HYOU1: variants seen among roughly 807,000 people sequenced by gnomAD.
The protein encoded by HYOU1 is hypoxia up-regulated protein 1.
Under a neutral mutation model 120.5 loss-of-function variants are expected in HYOU1, and 40 were observed. The ratio of observed to expected loss-of-function variants is 0.33; its 90% CI spans 0.26 to 0.43. The LOEUF (loss-of-function observed/expected upper bound fraction) is 0.43. HYOU1 is among the 20% of genes least tolerant of loss of function. The probability of loss-of-function intolerance (pLI) is 1.00; values close to 1 mark genes in which losing one functional copy is unlikely to be tolerated. For missense variants in HYOU1, 1,085 were observed against 1,278.3 expected, an observed-to-expected ratio of 0.85 and a Z score of 2.31; for synonymous variants, 501 against 479.4, an observed-to-expected ratio of 1.05 and a Z score of -0.59.
Position 119,045,194 on chromosome 11 carries a change from G to A in HYOU1, c.*399C>T, listed in dbSNP as rs1943992930. On this transcript the variant is annotated 3_prime_UTR_variant, in exon 26 of 26. Transcript: ENST00000617285. Reference sequence around the variant, plus strand: ...CATCGCATGGTGGGAGAGGAAGGGAGGGAAGGAACAATCACCAGAGAAGAG... The same window carrying A: ...CATCGCATGGTGGGAGAGGAAGGGAAGGAAGGAACAATCACCAGAGAAGAG... The A allele has an allele frequency of 2.2e-6, 1 of 462,416 alleles. No homozygotes were observed. The highest frequency in any genetic ancestry group is 4.3e-6 in the Non-Finnish European group (1 of 229,978). The allele number at this position is 462,416 out of a possible 1,614,324, so 28.6% of individuals were successfully genotyped here. A position where few individuals can be genotyped will look rare whatever the true frequency, so the allele number is the denominator to read the frequency against.
At chr11:119,056,747 G>A (rs946726136) in intron 1 of HYOU1, 1 of 229,052 alleles carries the variant, frequency 4.4e-6, no homozygotes, top group Non-Finnish European at 8.9e-6. Flanking sequence ...CAGTGCCAGG[G>A]GCGGTAAGGT....
rs2133588046 is a variant in HYOU1 at position 119,051,809 on chromosome 11, G to T, written c.1338+10C>A. On this transcript the variant is annotated intron_variant, in intron 12 of 25. Coordinates refer to ENST00000617285, the MANE Select transcript of HYOU1 (RefSeq NM_006389.5). The surrounding 1 kb of genome is among the most constrained non-coding windows in gnomAD (Gnocchi z 4.2). The stretch of plus-strand genomic sequence containing the variant: ...GGGAGCTTGTCACCTGCTCAGTCAG[G>T]CTCACTCACCAGGATGGGGTAGACC... The T allele has an allele frequency of 3.1e-6, 5 of 1,613,844 alleles. No homozygotes were observed. Among genetic ancestry groups the T allele is most frequent in the African/African-American group, 2.7e-5 (2 of 74,886 alleles).
rs1944379626 is a variant in HYOU1 at position 119,050,719 on chromosome 11, C to CAAAAAAAAAA, written c.1665+315_1665+316insTTTTTTTTTT. The stretch of plus-strand genomic sequence containing the variant: ...TTAAGTAACAGAGCCAAGACCCTCT[C>CAAAAAAAAAA]CAAAAAAAAAAAAAAAAAAAAAAAA... On this transcript the variant is annotated intron_variant, in intron 14 of 25. Transcript: ENST00000617285. 1.3e-4 allele frequency among the ~76,000 whole-genome samples: 7 copies of CAAAAAAAAAA among 52,868 alleles called. 3 individuals are homozygous for CAAAAAAAAAA. The highest frequency in any genetic ancestry group is 2.4e-4 in the Admixed American group (1 of 4,170). The allele number at this position is 52,868 out of a possible 152,430, so 34.7% of individuals were successfully genotyped here.
chr11:119,046,587 CT>C lies in HYOU1; in HGVS notation c.2810del (p.Gln937ArgfsTer24), dbSNP rs2133551211. 2 of 1,613,898 alleles carry C rather than the reference CT, an allele frequency of 1.2e-6. No individual in the cohort carries two copies. The highest frequency in any genetic ancestry group is 1.7e-6 in the Non-Finnish European group (2 of 1,179,798). ...EPPLNASASDQGEKVIPPAGQ... is the reference protein window; with the variant it reads ...EPPLNASASDXGEKVIPPAGQ... ...CTGCTGGAGGGATGACCTTCTCCCCCTGGTCACTGGCACTGGCATTGAGGGG... is the reference window on the plus strand; with the variant it reads ...CTGCTGGAGGGATGACCTTCTCCCCCGGTCACTGGCACTGGCATTGAGGGG... On this transcript the variant is annotated frameshift_variant, in exon 23 of 26. Transcript: ENST00000617285. LOFTEE classifies it high-confidence loss of function.
At chr11:119,046,839 T>G (rs2133553822) in intron 22 of HYOU1, 37 bp from the exon 23 acceptor site, 1 of 1,592,798 alleles carries the variant, frequency 6.3e-7, no homozygotes, top group Non-Finnish European at 8.5e-7. Context: ...AAGCTAGCCA[T>G]GGAGAGAGCA....
rs181046821 is a variant in HYOU1, at chr11:119,045,496, G to C, written c.*97C>G. The C allele has an allele frequency of 6.6e-6, 7 of 1,059,340 alleles. No homozygotes were observed. The East Asian group carries it at 1.2e-4, about 18-fold the overall frequency. 65.6% of individuals were successfully genotyped at this position (1,059,340 alleles called of 1,614,324 possible). On this transcript the variant is annotated 3_prime_UTR_variant, in exon 26 of 26. Coordinates refer to ENST00000617285, the MANE Select transcript of HYOU1 (RefSeq NM_006389.5). Reference sequence around the variant, plus strand: ...CAGGGGTGAGAAAGGAACTCCAGCCGAGGGCAGGACCAACCCCTCCCCCAA... The same window carrying C: ...CAGGGGTGAGAAAGGAACTCCAGCCCAGGGCAGGACCAACCCCTCCCCCAA...
chr11:119,055,297 G>T lies in HYOU1; in HGVS notation c.307C>A (p.Leu103Ile). ...GGGTTATCTGCCTGCTTCCCCAGGA[G>T]GTGCTGGAAGTAACGTAGCGTAGCC... is the stretch of plus-strand genomic sequence containing the variant. ...PKATLRYFQH[L>I]LGKQADNPHV... The change falls in exon 5 of 26, where the codon CTC becomes ATC. Residue 103 changes from leucine (L) to isoleucine (I), a missense_variant. This residue lies in a region of HYOU1 where 515 missense variants were observed against 677.8 expected (regional missense o/e 0.76). Coordinates refer to ENST00000617285, the MANE Select transcript of HYOU1 (RefSeq NM_006389.5). This position sits in a 1 kb window ranked among gnomAD's most constrained non-coding sequence, Gnocchi z 4.0. The T allele has an allele frequency of 6.2e-7, 1 of 1,614,062 alleles. No individual in the cohort carries two copies. The highest frequency in any genetic ancestry group is 8.5e-7 in the Non-Finnish European group (1 of 1,179,952).
At chr11:119,049,528 T>C (rs2133573761) in intron 16 of HYOU1, 28 bp downstream of exon 16, 2 of 1,611,966 alleles carry the variant, frequency 1.2e-6, no homozygotes, top group Non-Finnish European at 1.7e-6. Flanking sequence ...CCGTCCTCCA[T>C]GCTTCCCTGG....
Position 119,055,389 on chromosome 11 carries a change from T to C in HYOU1, c.265-50A>G. 4 of 1,608,362 alleles carry C rather than the reference T, an allele frequency of 2.5e-6. No individual in the cohort carries two copies. The highest frequency in any genetic ancestry group is 2.6e-6 in the Non-Finnish European group (3 of 1,175,686). On this transcript the variant is annotated intron_variant, in intron 4 of 25. Transcript: ENST00000617285. The surrounding 1 kb of genome is among the most constrained non-coding windows in gnomAD (Gnocchi z 4.0). ...TAGTATTAGGCTCCCAAGTCCACCA[T>C]TACCTACCTCTTACATCACAGAGAC...
At position 119,048,573 on chromosome 11, in the gene HYOU1, A is replaced by G; in HGVS notation, c.2166-10T>C. 6.2e-7 allele frequency: 1 copy of G among 1,613,702 alleles called. No homozygotes were observed. On this transcript the variant is annotated splice_polypyrimidine_tract_variant and intron_variant, in intron 18 of 25. Transcript: ENST00000617285. This position sits in a 1 kb window ranked among gnomAD's most constrained non-coding sequence, Gnocchi z 4.7. ...TGTCAAGTCCTGAAGTCTATGGGAC[A>G]AAGGAGGGGTAGGGATGAGGGAGAG...
chr11:119,046,916 C>T, intron 22 of HYOU1, 114 bp from the exon 23 acceptor site: 4 of 1,373,592 alleles, frequency 2.9e-6, no homozygotes, highest in South Asian at 1.4e-5. Context: ...AAATCACTGC[C>T]ACCCCTGGCC....
At position 119,055,872 on chromosome 11, in the gene HYOU1, C is replaced by T. The variant is rs140505464; in HGVS notation, c.92-29G>A. 5.1e-4 allele frequency: 806 copies of T among 1,588,000 alleles called. 7 individuals carry two copies. The African/African-American group carries it at 9.7e-3, about 19-fold the overall frequency. ...AAGGGAAAAGAGGTTTGTCAGTTAGCTCTCCCTTCGCCCACCTTCCTGGGA... is the reference window on the plus strand; with the variant it reads ...AAGGGAAAAGAGGTTTGTCAGTTAGTTCTCCCTTCGCCCACCTTCCTGGGA... On this transcript the variant is annotated intron_variant, in intron 2 of 25. Coordinates refer to ENST00000617285, the MANE Select transcript of HYOU1 (RefSeq NM_006389.5). This position sits in a 1 kb window ranked among gnomAD's most constrained non-coding sequence, Gnocchi z 4.0.
At position 119,055,204 on chromosome 11, in the gene HYOU1, C is replaced by A. The variant is rs1488000726; in HGVS notation, c.400G>T (p.Val134Leu). 1 of 1,613,932 alleles carries A rather than the reference C, an allele frequency of 6.2e-7. No individual in the cohort carries two copies. Among genetic ancestry groups the A allele is most frequent in the African/African-American group, 1.3e-5 (1 of 74,932 alleles). The change falls in exon 5 of 26, where the codon GTG (valine) becomes TTG (leucine). Residue 134 changes from valine to leucine, a missense_variant. Physicochemically the swap from Val to Leu is conservative, Grantham distance 32. This residue lies in a region of HYOU1 where 515 missense variants were observed against 677.8 expected (regional missense o/e 0.76). Transcript: ENST00000617285. The surrounding 1 kb of genome is among the most constrained non-coding windows in gnomAD (Gnocchi z 4.0). The stretch of plus-strand genomic sequence containing the variant: ...ACTCACGAGCTGATCTGAAAGTGCA[C>A]AGTCTGCCTCTGTGGGTCGAAAGTC... ...ELTFDPQRQTVHFQISSQLQF... is the reference protein window; with the variant it reads ...ELTFDPQRQTLHFQISSQLQF...
intron 16 of HYOU1, 162 bp downstream of exon 16, chr11:119,049,394 G>A (rs2133572693): frequency 6.4e-7 from 1 of 1,566,534 alleles, no homozygotes; most frequent in Admixed American, 1.9e-5. Flanking sequence ...AATGGGCCTT[G>A]GGAGCACCAG....
chr11:119,045,885 G>T, intron 24 of HYOU1, 54 bp from the exon 25 acceptor site: 1 of 1,575,664 alleles, frequency 6.3e-7, no homozygotes, highest in Non-Finnish European at 8.7e-7. Flanking sequence ...GAGGCTAAGG[G>T]AAGGCTGGGC....
chr11:119,045,923 A>G, intron 24 of HYOU1, 92 bp from the exon 25 acceptor site: 1 of 1,290,766 alleles, frequency 7.7e-7, no homozygotes, highest in Non-Finnish European at 1.1e-6. Context: ...GCCAGCTAGT[A>G]AATATTTTAG....
In HYOU1 at chr11:119,050,030, C is replaced by A. The variant is rs184289535; in HGVS notation, c.1666-193G>T. 3.3e-5 allele frequency among the ~76,000 whole-genome samples: 5 copies of A among 152,334 alleles called. No individual in the cohort carries two copies. The South Asian group carries it at 6.2e-4, about 19-fold the overall frequency. ...GAGCCCTCCATGAATAGGGTCCCAG[C>A]TCCTCTTTCTCCAAAGAGCCCCCTA... is the stretch of plus-strand genomic sequence containing the variant. On this transcript the variant is annotated intron_variant, in intron 14 of 25. Coordinates refer to ENST00000617285, the MANE Select transcript of HYOU1 (RefSeq NM_006389.5).
rs1029382937 is a variant in HYOU1, at chr11:119,052,541, T to C, written c.987+96A>G. On this transcript the variant is annotated intron_variant, in intron 9 of 25. Coordinates refer to ENST00000617285, the MANE Select transcript of HYOU1 (RefSeq NM_006389.5). This position sits in a 1 kb window ranked among gnomAD's most constrained non-coding sequence, Gnocchi z 5.0. ...TGGGAGGATGGTAGCGGGAGGAGCA[T>C]GGGCCATGCCAGGCACGAGCAGCCC... is the stretch of plus-strand genomic sequence containing the variant. 14 of 1,576,462 alleles carry C rather than the reference T, an allele frequency of 8.9e-6. No homozygotes were observed. Among genetic ancestry groups the C allele is most frequent in the African/African-American group, 1.3e-5 (1 of 74,284 alleles).
rs201424883 is a variant in HYOU1 at position 119,054,647 on chromosome 11, G to A, written c.525C>T (p.Thr175=). 6.8e-6 allele frequency: 11 copies of A among 1,613,254 alleles called. No homozygotes were observed. The highest frequency in any genetic ancestry group is 1.7e-5 in the Admixed American group (1 of 60,000). Residue 175 remains threonine (T), a synonymous_variant, in exon 7 of 26, where the codon ACC becomes ACT. Transcript: ENST00000617285. ...CGGCCTGGTTGAAGAAGACTGGCACGGTGATCACTGCATCCTTGATGGGCT... is the reference window on the plus strand; with the variant it reads ...CGGCCTGGTTGAAGAAGACTGGCACAGTGATCACTGCATCCTTGATGGGCT... ...AEQPIKDAVI[T]VPVFFNQAER...
Sources: gnomAD v4.1 joint callset for allele counts (sites outside exome capture counted in the v4.1 genomes callset) on GRCh38, gnomAD v4.1.1 for gene constraint, gnomAD v4.1.1 regional missense constraint, Gnocchi (gnomAD v3.1) non-coding constraint, MANE v1.5 for transcripts, NCBI Gene and HGNC (gene_info 2026-07-23, HGNC 2026-07-21) for gene names.